PTPRB: variants seen among roughly 807,000 people sequenced by gnomAD.
The protein encoded by PTPRB is protein tyrosine phosphatase receptor type B, also known as receptor-type tyrosine-protein phosphatase beta.
Under a neutral mutation model 238.1 loss-of-function variants are expected in PTPRB, and 97 were observed. That is an observed-to-expected ratio of 0.41 (90% CI 0.35 to 0.48). The LOEUF (loss-of-function observed/expected upper bound fraction) is 0.48, where lower values mean the gene tolerates loss of function less well. Among genes scored for constraint, PTPRB ranks in the 20% least tolerant of loss-of-function variants. The pLI is 0.30. For synonymous variants in PTPRB, 970 were observed against 995.4 expected (o/e 0.97, Z 0.48); for missense variants, 2,292 against 2,681.9 (o/e 0.85, Z 3.21).
chr12:70,524,610 A>T lies in PTPRB; in HGVS notation c.6505-19T>A. 6.2e-7 allele frequency: 1 copy of T among 1,602,134 alleles called. No homozygotes were observed. On this transcript the variant is annotated intron_variant, in intron 32 of 33. Transcript: ENST00000334414. ...ACTGACACTGTGGAAAAGCAGAAACATGTCAGAGGAGGGCCTGTTCTCATG... is the reference window on the plus strand; with the variant it reads ...ACTGACACTGTGGAAAAGCAGAAACTTGTCAGAGGAGGGCCTGTTCTCATG...
At chr12:70,562,280 TC>T (rs570819752) in intron 16 of PTPRB, among the ~76,000 whole-genome samples, 35 of 150,934 alleles carry the variant, frequency 2.3e-4, no homozygotes, top group African/African-American at 5.6e-4. Flanking sequence ...TGAGAACTCG[TC>T]CCCCCCCAAA....
intron 9 of PTPRB, 67 bp downstream of exon 9, chr12:70,586,940 A>C (rs541227603): frequency 1.4e-6 from 2 of 1,464,466 alleles, no homozygotes; most frequent in Admixed American, 1.9e-5. Context: ...ATACTTGTAA[A>C]TTGCATGTTA....
chr12:70,601,031 C>A (rs1883435412), intron 4 of PTPRB, among the ~76,000 whole-genome samples: 1 of 152,102 alleles, frequency 6.6e-6, no homozygotes, highest in African/African-American at 2.4e-5. Context: ...CCACGCCCAG[C>A]TAATTTTTAT....
rs1471069094 is a variant in PTPRB at position 70,609,251 on chromosome 12, A to C, written c.797T>G (p.Leu266Trp). 1 of 1,614,050 alleles carries C rather than the reference A, an allele frequency of 6.2e-7. No individual in the cohort carries two copies. The highest frequency in any genetic ancestry group is 2.2e-5 in the East Asian group (1 of 44,882). Residue 266 changes from leucine (L) to tryptophan (W), a missense_variant, in exon 4 of 34, where the codon TTG becomes TGG. Transcript: ENST00000334414. Reference protein sequence around the residue: ...SHSVSIQWRILGSPCNFSLIY... With the variant: ...SHSVSIQWRIWGSPCNFSLIY... ...GAGGCTAAAGTTACAGGGTGAGCCC[A>C]AAATTCTCCACTGGATAGACACAGA...
chr12:70,559,227 T>C (rs951971044), intron 18 of PTPRB, 116 bp downstream of exon 18: 1 of 1,154,722 alleles, frequency 8.7e-7, no homozygotes, highest in African/African-American at 1.5e-5. Context: ...TGAATTCAAA[T>C]CCAGACCAAT....
chr12:70,562,826 CT>C lies in PTPRB; in HGVS notation c.4168+17del, dbSNP rs1281629180. The C allele has an allele frequency of 2.5e-6, 4 of 1,610,004 alleles. No individual in the cohort carries two copies. The highest frequency in any genetic ancestry group is 3.4e-6 in the Non-Finnish European group (4 of 1,176,942). On this transcript the variant is annotated intron_variant, in intron 16 of 33. Transcript: ENST00000334414. ...ACAATTCCCCCACGATTCATTACTG[CT>C]TGGGTCTTGGTCTTACCTGTTCTAC...
intron 16 of PTPRB, among the ~76,000 whole-genome samples, chr12:70,561,816 C>T (rs1038340004): frequency 2.6e-5 from 4 of 152,198 alleles, no homozygotes; most frequent in East Asian, 1.9e-4. Context: ...CCCAGATCAT[C>T]TCCCTTTGAT....
At position 70,541,045 on chromosome 12, in the gene PTPRB, C is replaced by G. The variant is rs569160473; in HGVS notation, c.5495-88G>C. 4.9e-6 allele frequency: 5 copies of G among 1,021,398 alleles called. No homozygotes were observed. The East Asian group carries it at 1.3e-4, about 27-fold the overall frequency. 63.3% of individuals were successfully genotyped at this position (1,021,398 alleles called of 1,614,324 possible). A position where few individuals can be genotyped will look rare whatever the true frequency, so the allele number is the denominator to read the frequency against. On this transcript the variant is annotated intron_variant, in intron 22 of 33. Coordinates refer to ENST00000334414, the MANE Select transcript of PTPRB (RefSeq NM_001109754.4). ...AGAAAGCTATTGAAGCCATATCTCCCAAGTAATGTTATTACAAATAGAATT... is the reference window on the plus strand; with the variant it reads ...AGAAAGCTATTGAAGCCATATCTCCGAAGTAATGTTATTACAAATAGAATT...
At chr12:70,630,401 T>C (rs924230250) in intron 2 of PTPRB, among the ~76,000 whole-genome samples, 5 of 152,104 alleles carry the variant, frequency 3.3e-5, no homozygotes, top group Admixed American at 6.5e-5. Context: ...ATAAACTAGG[T>C]ATTGATGGAA....
intron 11 of PTPRB, among the ~76,000 whole-genome samples, chr12:70,575,674 A>T (rs1880606712): frequency 6.6e-6 from 1 of 152,240 alleles, no homozygotes; most frequent in Admixed American, 6.5e-5. Context: ...AGTAGGAAAC[A>T]TTTGACAATG....
chr12:70,636,484 C>A (rs965113923), intron 1 of PTPRB, among the ~76,000 whole-genome samples: 4 of 152,118 alleles, frequency 2.6e-5, no homozygotes, highest in African/African-American at 9.7e-5. Flanking sequence ...AGCTTCCTCC[C>A]TTACCTTAAA....
chr12:70,524,193 T>C (rs966857536), intron 33 of PTPRB, among the ~76,000 whole-genome samples: 25 of 152,056 alleles, frequency 1.6e-4, no homozygotes, highest in Admixed American at 2.0e-4. Flanking sequence ...ACTGTAGCCT[T>C]GACCTCCCAA....
intron 7 of PTPRB, chr12:70,591,858 C>A: frequency 6.0e-6 from 1 of 167,450 alleles, no homozygotes; most frequent in Non-Finnish European, 1.3e-5. Context: ...AGGCAAGTAG[C>A]ATGTCTTAGT....
intron 14 of PTPRB, among the ~76,000 whole-genome samples, chr12:70,567,403 T>C (rs1879443046): frequency 6.6e-6 from 1 of 152,206 alleles, no homozygotes; most frequent in Non-Finnish European, 1.5e-5. Context: ...GACGTCCAAA[T>C]TGGACTCCTC....
At chr12:70,540,978 A>G in intron 22 of PTPRB, 21 bp from the exon 23 acceptor site, 1 of 1,574,716 alleles carries the variant, frequency 6.4e-7, no homozygotes, top group Non-Finnish European at 8.6e-7. Context: ...CCAGATAGAA[A>G]CAACAAACGC....
rs1025317449 is a variant in PTPRB at position 70,534,354 on chromosome 12, T to G, written c.6368+134A>C. On this transcript the variant is annotated intron_variant, in intron 31 of 33. Transcript: ENST00000334414. ...AGGGGAGGAACGTTATAAAACCCTCTGGGGGCGAGGCAGGCTGGTTGGTCC... is the reference window on the plus strand; with the variant it reads ...AGGGGAGGAACGTTATAAAACCCTCGGGGGGCGAGGCAGGCTGGTTGGTCC... 15 of 961,746 alleles carry G rather than the reference T, an allele frequency of 1.6e-5. No individual in the cohort carries two copies. The East Asian group carries it at 3.9e-4, about 25-fold the overall frequency. The allele number at this position is 961,746 out of a possible 1,614,324, so 59.6% of individuals were successfully genotyped here.
rs367587223 is a variant in PTPRB, at chr12:70,594,476, C to G, written c.1507G>C (p.Val503Leu). 1.3e-5 allele frequency: 21 copies of G among 1,613,878 alleles called. No homozygotes were observed. In the African/African-American group the frequency reaches 2.8e-4, roughly 22 times the overall value. The change falls in exon 6 of 34, where the codon GTC becomes CTC. Residue 503 changes from valine to leucine, a missense_variant. Physicochemically the swap from Val to Leu is conservative, Grantham distance 32 (BLOSUM62 1). This residue lies in a region of PTPRB where 1,205 missense variants were observed against 1,287.8 expected (regional missense o/e 0.94). Coordinates refer to ENST00000334414, the MANE Select transcript of PTPRB (RefSeq NM_001109754.4). Reference protein sequence around the residue: ...AGLQNYRWKLVRTAPMEVSNL... With the variant: ...AGLQNYRWKLLRTAPMEVSNL... Reference sequence around the variant, plus strand: ...GCTAGGGGGAACTTACCTGTCCTGACTAGTTTCCACCTGTAGTTTTGCAGC... The same window carrying G: ...GCTAGGGGGAACTTACCTGTCCTGAGTAGTTTCCACCTGTAGTTTTGCAGC...
chr12:70,538,081 G>A, intron 28 of PTPRB, 74 bp downstream of exon 28: 1 of 1,198,732 alleles, frequency 8.3e-7, no homozygotes, highest in Non-Finnish European at 1.2e-6. Context: ...ACAGGAACAT[G>A]GAGGAGTGGC....
rs925585664 is a variant in PTPRB at position 70,622,496 on chromosome 12, C to G, written c.602G>C (p.Ser201Thr). 6.2e-7 allele frequency: 1 copy of G among 1,613,362 alleles called. No homozygotes were observed. The highest frequency in any genetic ancestry group is 1.3e-5 in the African/African-American group (1 of 74,866). ...AFIRNAAENY[S>T]QNSSERQHPN... ...ATGCTGCCTCTCGCTGCTGTTTTGG[C>G]TGTAGTTTTCTGCAGCATTTCTGAT... is the stretch of plus-strand genomic sequence containing the variant. Residue 201 changes from serine to threonine, a missense_variant, in exon 3 of 34, where the codon AGC (serine) becomes ACC (threonine). Ser to Thr is a moderately conservative substitution (Grantham distance 58). Transcript: ENST00000334414.
Sources: allele counts gnomAD v4.1 joint callset (sites outside exome capture counted in the v4.1 genomes callset), GRCh38; gene constraint gnomAD v4.1.1; regional missense constraint gnomAD v4.1.1; transcripts MANE v1.5; gene names NCBI Gene and HGNC (gene_info 2026-07-23, HGNC 2026-07-21).